The following NR2C1 variants were observed in gnomAD, a reference collection of about 807,000 sequenced individuals.
NR2C1 encodes TR2 nuclear hormone receptor.
NR2C1 carries 33 observed loss-of-function variants against 74.8 expected under a neutral mutation model. That is an observed-to-expected ratio of 0.44 (90% CI 0.33 to 0.59). The LOEUF (loss-of-function observed/expected upper bound fraction) is 0.59. Ranked by LOEUF, NR2C1 falls within the 20% of genes least tolerant of loss-of-function variation. The pLI, the probability that NR2C1 is intolerant of heterozygous loss-of-function variation, is 0.02. For missense variants in NR2C1, 568 were observed against 715.6 expected (o/e 0.79, Z 2.35); for synonymous variants, 225 against 240.6 (o/e 0.94, Z 0.60).
chr12:95,040,834 A>T (rs1392260045), intron 9 of NR2C1, among the ~76,000 whole-genome samples: 1 of 152,162 alleles, frequency 6.6e-6, no homozygotes, highest in Non-Finnish European at 1.5e-5. Flanking sequence ...AACAAATATC[A>T]ACGATGATAT....
intron 11 of NR2C1, chr12:95,030,581 C>T: frequency 1.9e-6 from 3 of 1,613,348 alleles, no homozygotes; most frequent in Non-Finnish European, 2.5e-6. Flanking sequence ...GTGATGCTGC[C>T]TTCTAGTAGA....
At chr12:95,030,008 T>C (rs1035938054) in intron 11 of NR2C1, among the ~76,000 whole-genome samples, 2 of 152,162 alleles carry the variant, frequency 1.3e-5, no homozygotes, top group Non-Finnish European at 2.9e-5. Flanking sequence ...GCTGGGACTA[T>C]GACTATAGGC....
intron 8 of NR2C1, among the ~76,000 whole-genome samples, chr12:95,050,960 G>A (rs892894198): frequency 7.9e-5 from 12 of 152,120 alleles, no homozygotes; most frequent in African/African-American, 2.4e-4. Flanking sequence ...CAAGTGTTTC[G>A]CTCTCCATAC....
At chr12:95,062,886 T>C (rs1875010206) in intron 2 of NR2C1, 148 bp from the exon 3 acceptor site, 1 of 638,130 alleles carries the variant, frequency 1.6e-6, no homozygotes, top group Non-Finnish European at 2.7e-6. Context: ...CAAAATTCTA[T>C]CCTACAGAAA....
At chr12:95,064,303 T>C (rs1875286058) in intron 2 of NR2C1, among the ~76,000 whole-genome samples, 1 of 139,710 alleles carries the variant, frequency 7.2e-6, no homozygotes, top group South Asian at 2.2e-4. Flanking sequence ...CACTCCAGCC[T>C]GGGTGACACA....
intron 7 of NR2C1, among the ~76,000 whole-genome samples, chr12:95,054,417 C>T (rs575803065): frequency 6.6e-6 from 1 of 152,122 alleles, no homozygotes; most frequent in Non-Finnish European, 1.5e-5. Context: ...AAGTAATCCT[C>T]TGCCTCAGCC....
chr12:95,037,030 G>A (rs1870937090), intron 10 of NR2C1, among the ~76,000 whole-genome samples: 1 of 152,138 alleles, frequency 6.6e-6, no homozygotes, highest in Admixed American at 6.5e-5. Context: ...ATGCTTCAGT[G>A]GTAATTTAAA....
chr12:95,042,953 C>T (rs1245065807), intron 9 of NR2C1, among the ~76,000 whole-genome samples: 4 of 142,126 alleles, frequency 2.8e-5, no homozygotes, highest in Admixed American at 2.1e-4. Flanking sequence ...AAAAAAAAAC[C>T]GACACACAAA....
intron 10 of NR2C1, among the ~76,000 whole-genome samples, chr12:95,035,161 A>G (rs1038071056): frequency 6.6e-6 from 1 of 152,214 alleles, no homozygotes; most frequent in Non-Finnish European, 1.5e-5. Context: ...GAGTGTAAAA[A>G]GCAAGGCAAA....
chr12:95,027,292 C>T (rs1010671293), intron 12 of NR2C1, among the ~76,000 whole-genome samples: 1 of 152,108 alleles, frequency 6.6e-6, no homozygotes, highest in African/African-American at 2.4e-5. Context: ...AACTCCTGAC[C>T]AGTCCTCCCA....
At chr12:95,060,425 G>A (rs982097693) in intron 3 of NR2C1, among the ~76,000 whole-genome samples, 13 of 152,032 alleles carry the variant, frequency 8.6e-5, no homozygotes, top group African/African-American at 1.9e-4. Flanking sequence ...AGGCTGAGGC[G>A]GGCAGATCAC....
intron 8 of NR2C1, 147 bp downstream of exon 8, chr12:95,051,615 G>T: frequency 1.5e-6 from 1 of 681,860 alleles, no homozygotes; most frequent in Non-Finnish European, 2.3e-6. Flanking sequence ...AAAGCATTTC[G>T]GATAAGAGAT....
intron 10 of NR2C1, among the ~76,000 whole-genome samples, chr12:95,040,028 C>G (rs1871318182): frequency 6.7e-6 from 1 of 149,674 alleles, no homozygotes; most frequent in African/African-American, 2.5e-5. Context: ...TTTTTTTGAA[C>G]CACATGATTG....
intron 8 of NR2C1, among the ~76,000 whole-genome samples, chr12:95,050,307 A>G (rs891962570): frequency 1.3e-5 from 2 of 151,974 alleles, no homozygotes; most frequent in Non-Finnish European, 2.9e-5. Flanking sequence ...CAGTATATAT[A>G]TTATGTTTTG....
intron 10 of NR2C1, among the ~76,000 whole-genome samples, chr12:95,031,761 A>G (rs953691384): frequency 5.9e-5 from 9 of 152,226 alleles, no homozygotes; most frequent in African/African-American, 2.2e-4. Context: ...TTAACTTCAC[A>G]TTTCATAGAA....
intron 7 of NR2C1, among the ~76,000 whole-genome samples, chr12:95,053,626 A>G (rs1873358535): frequency 6.7e-6 from 1 of 150,194 alleles, no homozygotes; most frequent in African/African-American, 2.4e-5. Context: ...TACTGGGCCA[A>G]CCCCTTAATG....
rs753495014 is a variant in NR2C1, at chr12:95,051,782, C to A, written c.945G>T (p.Gln315His). Residue 315 changes from glutamine (Q) to histidine (H), a missense_variant, in exon 8 of 14, where the codon CAG becomes CAT. Transcript: ENST00000333003. ...CTTACCTTGAAACATCACCGTTGGT[C>A]TGCATTTCTTGAAATTCACACAAAG... ...DTSLCEFQEMQTNGDVSRAFD... is the reference protein window; with the variant it reads ...DTSLCEFQEMHTNGDVSRAFD... The A allele has an allele frequency of 1.0e-5, 16 of 1,607,278 alleles. No individual in the cohort carries two copies. The highest frequency in any genetic ancestry group is 7.6e-6 in the Non-Finnish European group (9 of 1,178,458).
At chr12:95,036,359 G>A (rs1008370157) in intron 10 of NR2C1, among the ~76,000 whole-genome samples, 1 of 151,618 alleles carries the variant, frequency 6.6e-6, no homozygotes, top group African/African-American at 2.4e-5. Flanking sequence ...AATTGCTTGA[G>A]GCAAGGAGTT....
At chr12:95,034,352 TA>T (rs1315654270) in intron 10 of NR2C1, among the ~76,000 whole-genome samples, 1 of 152,170 alleles carries the variant, frequency 6.6e-6, no homozygotes, top group East Asian at 1.9e-4. Flanking sequence ...AGAAAATGCT[TA>T]AAAATATCAA....
Sources: allele counts gnomAD v4.1 joint callset (sites outside exome capture counted in the v4.1 genomes callset), GRCh38; gene constraint gnomAD v4.1.1; transcripts MANE v1.5; gene names NCBI Gene and HGNC (gene_info 2026-07-23, HGNC 2026-07-21).